Variants in KLHL8 observed in about 807,000 individuals in gnomAD.
The protein encoded by KLHL8 is kelch-like protein 8.
A neutral mutation model predicts 63.5 loss-of-function variants in KLHL8; 38 were observed. The observed-to-expected ratio is 0.60, with a 90% confidence interval of 0.46 to 0.78. The LOEUF (loss-of-function observed/expected upper bound fraction) is 0.78, where lower values mean the gene tolerates loss of function less well. Among genes scored for constraint, KLHL8 ranks in the 30% least tolerant of loss-of-function variants. The probability of loss-of-function intolerance (pLI) is 0.00; values close to 1 mark genes in which losing one functional copy is unlikely to be tolerated. For synonymous variants in KLHL8, 224 were observed against 254.3 expected (o/e 0.88, Z 1.13); for missense variants, 566 against 752.4 (o/e 0.75, Z 2.90).
At chr4:87,205,498 T>C (rs963519239) in intron 1 of KLHL8, among the ~76,000 whole-genome samples, 7 of 152,326 alleles carry the variant, frequency 4.6e-5, no homozygotes, top group Middle Eastern at 3.4e-3. Context: ...TCTAATTGCA[T>C]GTAAATTAAA....
At chr4:87,194,522 A>C (rs1430384892) in intron 2 of KLHL8, among the ~76,000 whole-genome samples, 2 of 152,202 alleles carry the variant, frequency 1.3e-5, no homozygotes, top group African/African-American at 2.4e-5. Flanking sequence ...AAAATGTTTT[A>C]AATTAGTCAG....
intron 1 of KLHL8, among the ~76,000 whole-genome samples, chr4:87,217,672 T>C (rs554604365): frequency 6.7e-6 from 1 of 148,514 alleles, no homozygotes; most frequent in Non-Finnish European, 1.5e-5. Context: ...TTTTGGAATA[T>C]AGAGAAAGGT....
chr4:87,179,304 T>TC (rs1424040515), intron 4 of KLHL8, among the ~76,000 whole-genome samples: 1 of 152,170 alleles, frequency 6.6e-6, no homozygotes, highest in Non-Finnish European at 1.5e-5. Flanking sequence ...GTTCATGCCC[T>TC]CATCACCTAC....
intron 2 of KLHL8, among the ~76,000 whole-genome samples, chr4:87,194,239 C>T (rs935655163): frequency 2.0e-5 from 3 of 152,182 alleles, no homozygotes; most frequent in African/African-American, 7.2e-5. Context: ...TTCTGCCTTC[C>T]ATGTGAGGAC....
At chr4:87,201,642 A>G (rs549299419) in intron 1 of KLHL8, among the ~76,000 whole-genome samples, 1 of 152,290 alleles carries the variant, frequency 6.6e-6, no homozygotes, top group South Asian at 2.1e-4. Flanking sequence ...AAACAACCCT[A>G]AACAAATTTA....
intron 1 of KLHL8, among the ~76,000 whole-genome samples, chr4:87,214,441 T>TATATATATATAA (rs1732519137): frequency 2.4e-5 from 2 of 83,990 alleles, no homozygotes; most frequent in Non-Finnish European, 5.6e-5. Context: ...TATATATATA[T>TATATATATATAA]ATATATATAT....
Position 87,183,219 on chromosome 4 carries a change from T to C in KLHL8, c.936A>G (p.Pro312=). The C allele has an allele frequency of 1.2e-6, 2 of 1,606,600 alleles. No individual in the cohort carries two copies. The highest frequency in any genetic ancestry group is 1.7e-6 in the Non-Finnish European group (2 of 1,175,568). ...TTTGGTTACCAGCAGTATGCTTCCT[T>C]GGGGTAGTCCGAATGGAGTATTCAA... ...PDFEYSIRTT[P]RKHTAGVLFC... Residue 312 remains proline, a synonymous_variant, in exon 4 of 10, where the codon CCA becomes CCG. Transcript: ENST00000273963.
At chr4:87,223,683 A>G (rs533559970), upstream of KLHL8, among the ~76,000 whole-genome samples, 1 of 151,930 alleles carries the variant, frequency 6.6e-6, no homozygotes, top group African/African-American at 2.4e-5. Flanking sequence ...AAATTAAATG[A>G]AATTTTTAAA....
At chr4:87,238,820 T>C (rs1051145793) in intron 1 of KLHL8, among the ~76,000 whole-genome samples, 2 of 152,218 alleles carry the variant, frequency 1.3e-5, no homozygotes, top group African/African-American at 4.8e-5. Context: ...CAAGCATCCA[T>C]AATTTTTACC....
chr4:87,166,505 G>A (rs1020494516), intron 8 of KLHL8, among the ~76,000 whole-genome samples: 6 of 152,152 alleles, frequency 3.9e-5, no homozygotes, highest in Non-Finnish European at 8.8e-5. Flanking sequence ...AACACTTTGA[G>A]ATGCTTAACA....
Position 87,185,220 on chromosome 4 carries a change from T to A in KLHL8, c.765+31A>T, listed in dbSNP as rs544286767. On this transcript the variant is annotated intron_variant, in intron 3 of 9. Coordinates refer to ENST00000273963, the MANE Select transcript of KLHL8 (RefSeq NM_020803.5). ...GTTGATTTGCTTCCATATCACTTCATTTCTGTGTGAAATCTTATTTCAGCT... is the reference window on the plus strand; with the variant it reads ...GTTGATTTGCTTCCATATCACTTCAATTCTGTGTGAAATCTTATTTCAGCT... The A allele has an allele frequency of 6.3e-5, 98 of 1,565,474 alleles. 1 individual carries two copies. In the South Asian group the frequency reaches 1.0e-3, roughly 16 times the overall value.
chr4:87,187,429 A>T (rs1457742030), intron 2 of KLHL8, among the ~76,000 whole-genome samples: 1 of 150,444 alleles, frequency 6.6e-6, no homozygotes, highest in Non-Finnish European at 1.5e-5. Flanking sequence ...AGATTGAATC[A>T]TTTATAAATT....
intron 1 of KLHL8, among the ~76,000 whole-genome samples, chr4:87,204,985 G>A (rs1337381588): frequency 2.0e-5 from 3 of 151,974 alleles, no homozygotes; most frequent in African/African-American, 7.3e-5. Flanking sequence ...TTTGCTATAT[G>A]ATAAAAAATA....
rs775901882 is a variant in KLHL8 at position 87,161,896 on chromosome 4, T to C, written c.*1623A>G. On this transcript the variant is annotated 3_prime_UTR_variant, in exon 10 of 10. Transcript: ENST00000273963. ...ATATCTGCTTCATAAGAGACTTTTA[T>C]CTGCCAGCCTGACCCCTCTTAAAAC... 3 of 152,254 alleles carry C rather than the reference T, an allele frequency of 2.0e-5. No individual in the cohort carries two copies. The highest frequency in any genetic ancestry group is 2.9e-5 in the Non-Finnish European group (2 of 68,042). 9.4% of individuals were successfully genotyped at this position (152,254 alleles called of 1,614,324 possible).
intron 1 of KLHL8, among the ~76,000 whole-genome samples, chr4:87,203,498 C>T (rs533403665): frequency 1.3e-5 from 2 of 149,026 alleles, no homozygotes; most frequent in African/African-American, 2.5e-5. Context: ...CACTGCACCC[C>T]AGCCTGGGTG....
At chr4:87,206,931 G>A (rs985021450) in intron 1 of KLHL8, among the ~76,000 whole-genome samples, 1 of 151,902 alleles carries the variant, frequency 6.6e-6, no homozygotes, top group Admixed American at 6.6e-5. Flanking sequence ...TGTATTTGCC[G>A]ACAATGAGCC....
At position 87,170,591 on chromosome 4, in the gene KLHL8, TAAGG is replaced by T; in HGVS notation, c.1229_1232del (p.Ser410Ter). On this transcript the variant is annotated frameshift_variant, in exon 7 of 10. Coordinates refer to ENST00000273963, the MANE Select transcript of KLHL8 (RefSeq NM_020803.5). LOFTEE classifies it high-confidence loss of function. The stretch of plus-strand genomic sequence containing the variant: ...CTCCAATTGCATAAATTGGGCCTCC[TAAGG>T]AAGCCAAGGCAATTCCTCGCCTGCA... The T allele has an allele frequency of 6.2e-7, 1 of 1,612,122 alleles. No homozygotes were observed. The highest frequency in any genetic ancestry group is 2.2e-5 in the East Asian group (1 of 44,864).
chr4:87,161,326 G>T lies in KLHL8; in HGVS notation c.*2193C>A, dbSNP rs887366614. ...CCCAAAGTGCTGGGATCACAGGCGTGAGCCACCATGCCTGGCCTATTTATC... is the reference window on the plus strand; with the variant it reads ...CCCAAAGTGCTGGGATCACAGGCGTTAGCCACCATGCCTGGCCTATTTATC... On this transcript the variant is annotated 3_prime_UTR_variant, in exon 10 of 10. Transcript: ENST00000273963. 6.6e-6 allele frequency: 1 copy of T among 152,326 alleles called. No homozygotes were observed. The highest frequency in any genetic ancestry group is 1.5e-5 in the Non-Finnish European group (1 of 68,160). The allele number at this position is 152,326 out of a possible 1,614,324, so 9.4% of individuals were successfully genotyped here. A position where few individuals can be genotyped will look rare whatever the true frequency, so the allele number is the denominator to read the frequency against.
intron 2 of KLHL8, among the ~76,000 whole-genome samples, chr4:87,190,948 G>A (rs1289088999): frequency 3.3e-5 from 5 of 152,090 alleles, no homozygotes; most frequent in African/African-American, 1.2e-4. Flanking sequence ...TTGTGATCAT[G>A]AGTTATAACA....
Sources: allele counts gnomAD v4.1 joint callset (sites outside exome capture counted in the v4.1 genomes callset), GRCh38; gene constraint gnomAD v4.1.1; transcripts MANE v1.5; gene names NCBI Gene and HGNC (gene_info 2026-07-23, HGNC 2026-07-21).